Variants in ST6GALNAC3 observed in about 807,000 individuals in gnomAD.
ST6GALNAC3 encodes the protein ST6 N-acetylgalactosaminide alpha-2,6-sialyltransferase 3.
In ST6GALNAC3, 25 loss-of-function variants were observed where a neutral mutation model predicts 32.7. The observed-to-expected ratio is 0.76, with a 90% CI of 0.56 to 1.07. The LOEUF is 1.07. Ranked by LOEUF, ST6GALNAC3 falls within the 50% of genes least tolerant of loss-of-function variation. The pLI is 0.00. For missense variants in ST6GALNAC3, 355 were observed against 382.4 expected (o/e 0.93, Z 0.60); for synonymous variants, 129 against 133.1 (o/e 0.97, Z 0.21).
chr1:76,633,224 T>C lies in ST6GALNAC3; in HGVS notation c.*4418T>C, dbSNP rs986558357. ...TTCTCTAGTGCTTTTTCCACTACAC[T>C]TTTTAGACAGAAGAGTAGCTGGAAA... On this transcript the variant is annotated 3_prime_UTR_variant, in exon 5 of 5. Coordinates refer to ENST00000328299, the MANE Select transcript of ST6GALNAC3 (RefSeq NM_152996.4). The C allele has an allele frequency of 6.6e-6, 1 of 152,180 alleles. No homozygotes were observed. The highest frequency in any genetic ancestry group is 2.1e-4 in the South Asian group (1 of 4,832). The allele number at this position is 152,180 out of a possible 1,614,324, so 9.4% of individuals were successfully genotyped here. A position where few individuals can be genotyped will look rare whatever the true frequency, so the allele number is the denominator to read the frequency against.
At chr1:76,415,422 C>T (rs1027260379) in intron 3 of ST6GALNAC3, among the ~76,000 whole-genome samples, 1 of 151,750 alleles carries the variant, frequency 6.6e-6, no homozygotes, top group Admixed American at 6.6e-5. Flanking sequence ...ATCCTGTTCT[C>T]CTCTTTATTT....
chr1:76,156,196 C>T (rs1023452561), intron 1 of ST6GALNAC3, among the ~76,000 whole-genome samples: 1 of 152,132 alleles, frequency 6.6e-6, no homozygotes, highest in African/African-American at 2.4e-5. Context: ...ATTCAGGGTA[C>T]ATATTATTAA....
At chr1:76,543,766 C>G (rs1664131203) in intron 3 of ST6GALNAC3, among the ~76,000 whole-genome samples, 2 of 152,170 alleles carry the variant, frequency 1.3e-5, no homozygotes, top group African/African-American at 4.8e-5. Context: ...CATCCAAAGG[C>G]TCAAGCCGAT....
chr1:76,439,134 T>C (rs1453526373), intron 3 of ST6GALNAC3, among the ~76,000 whole-genome samples: 1 of 152,214 alleles, frequency 6.6e-6, no homozygotes, highest in Non-Finnish European at 1.5e-5. Flanking sequence ...TTTGAAAATG[T>C]CTGAAGATTT....
At chr1:76,360,828 C>T (rs955304938) in intron 2 of ST6GALNAC3, among the ~76,000 whole-genome samples, 3 of 152,206 alleles carry the variant, frequency 2.0e-5, no homozygotes, top group African/African-American at 7.2e-5. Flanking sequence ...AGTTTAGAAC[C>T]TCGTTGGCCT....
chr1:76,573,894 T>C (rs1181425949), intron 3 of ST6GALNAC3, among the ~76,000 whole-genome samples: 1 of 151,986 alleles, frequency 6.6e-6, no homozygotes, highest in African/African-American at 2.4e-5. Context: ...GCAGGGACAG[T>C]AGAGAAGGAT....
At position 76,199,148 on chromosome 1, in the gene ST6GALNAC3, C is replaced by T. The variant is rs1654381019; in HGVS notation, c.19-114657C>T. Among the ~76,000 whole-genome samples, 4 of 152,148 alleles carry T rather than the reference C, an allele frequency of 2.6e-5. No individual in the cohort carries two copies. In the South Asian group the frequency reaches 6.2e-4, roughly 24 times the overall value. On this transcript the variant is annotated intron_variant, in intron 1 of 4. Transcript: ENST00000328299. ...GTGGTTCTAGATGCTCATTAGGGTTCTTCTGAAACGATTGGATCCTCCAAG... is the reference window on the plus strand; with the variant it reads ...GTGGTTCTAGATGCTCATTAGGGTTTTTCTGAAACGATTGGATCCTCCAAG...
At chr1:76,214,477 A>T (rs1655346180) in intron 1 of ST6GALNAC3, among the ~76,000 whole-genome samples, 3 of 152,168 alleles carry the variant, frequency 2.0e-5, no homozygotes, top group Admixed American at 2.0e-4. Flanking sequence ...ATTCTGGAAA[A>T]GGTTCTAGAA....
At chr1:76,378,666 C>CG (rs1411859645) in intron 2 of ST6GALNAC3, among the ~76,000 whole-genome samples, 3 of 101,562 alleles carry the variant, frequency 3.0e-5, no homozygotes, top group Non-Finnish European at 6.1e-5. Context: ...CCTTCCCCCC[C>CG]CCAAAAAAAA....
chr1:76,542,964 C>T (rs550228004), intron 3 of ST6GALNAC3, among the ~76,000 whole-genome samples: 2 of 152,294 alleles, frequency 1.3e-5, no homozygotes, highest in South Asian at 4.1e-4. Context: ...CCAGATCTCA[C>T]TCTGTCCTTG....
chr1:76,240,116 A>T (rs1371112110), intron 1 of ST6GALNAC3, among the ~76,000 whole-genome samples: 1 of 152,212 alleles, frequency 6.6e-6, no homozygotes, highest in African/African-American at 2.4e-5. Flanking sequence ...TAGGAAAATT[A>T]AATAAGATAA....
chr1:76,476,059 A>ACGG (rs1659335073), intron 3 of ST6GALNAC3, among the ~76,000 whole-genome samples: 1 of 152,176 alleles, frequency 6.6e-6, no homozygotes, highest in African/African-American at 2.4e-5. Context: ...ATAGTATTTC[A>ACGG]TGGTGTATAT....
intron 3 of ST6GALNAC3, among the ~76,000 whole-genome samples, chr1:76,603,810 C>T (rs948029410): frequency 2.6e-5 from 4 of 152,186 alleles, no homozygotes; most frequent in African/African-American, 9.7e-5. Flanking sequence ...TTAGCTGGGA[C>T]TACAGGCACA....
chr1:76,273,356 A>G (rs1658959598), intron 1 of ST6GALNAC3, among the ~76,000 whole-genome samples: 1 of 152,210 alleles, frequency 6.6e-6, no homozygotes, highest in South Asian at 2.1e-4. Flanking sequence ...TGAAAATTAA[A>G]ACACAAACCC....
chr1:76,621,507 G>T (rs1356860758), intron 3 of ST6GALNAC3, among the ~76,000 whole-genome samples: 1 of 152,048 alleles, frequency 6.6e-6, no homozygotes, highest in East Asian at 1.9e-4. Context: ...TTGATAGATA[G>T]TACAAATAAA....
At chr1:76,495,326 G>A (rs1445348519) in intron 3 of ST6GALNAC3, among the ~76,000 whole-genome samples, 1 of 152,018 alleles carries the variant, frequency 6.6e-6, no homozygotes, top group Non-Finnish European at 1.5e-5. Flanking sequence ...TCGTAATATT[G>A]TTGCAAATGA....
Position 76,526,158 on chromosome 1 carries a change from C to T in ST6GALNAC3, c.624-101294C>T, listed in dbSNP as rs183325194. 7.0e-4 allele frequency among the ~76,000 whole-genome samples: 107 copies of T among 151,928 alleles called. No individual in the cohort carries two copies. In the Middle Eastern group the frequency reaches 0.014, roughly 19 times the overall value. On this transcript the variant is annotated intron_variant, in intron 3 of 4. Coordinates refer to ENST00000328299, the MANE Select transcript of ST6GALNAC3 (RefSeq NM_152996.4). ...ACTTCCTTTGCCTATCTCTCCAGGA[C>T]GACGATAGAATTTTCCCTTCTCTCT...
At chr1:76,443,983 T>C (rs186763961) in intron 3 of ST6GALNAC3, among the ~76,000 whole-genome samples, 12 of 152,366 alleles carry the variant, frequency 7.9e-5, no homozygotes, top group Admixed American at 6.5e-4. Context: ...ACATTTTCAT[T>C]AGAGTAGTTG....
intron 3 of ST6GALNAC3, among the ~76,000 whole-genome samples, chr1:76,622,038 G>T (rs2100705409): frequency 6.6e-6 from 1 of 152,098 alleles, no homozygotes; most frequent in South Asian, 2.1e-4. Context: ...TGGAAGGGGG[G>T]TCTTGATACC....
Sources: allele counts gnomAD v4.1 joint callset (sites outside exome capture counted in the v4.1 genomes callset), GRCh38; gene constraint gnomAD v4.1.1; transcripts MANE v1.5; gene names NCBI Gene and HGNC (gene_info 2026-07-23, HGNC 2026-07-21).